Variants in ZNF107 observed in about 807,000 individuals in gnomAD.
ZNF107 encodes the protein C2H2 type zinc-finger protein.
ZNF107 carries 19 observed loss-of-function variants against 12.3 expected under a neutral mutation model. The ratio of observed to expected loss-of-function variants is 1.55; its 90% CI spans 1.08 to 2.27. The LOEUF (loss-of-function observed/expected upper bound fraction) is 2.27, where lower values mean the gene tolerates loss of function less well. Among genes scored for constraint, ZNF107 ranks in the 30% most tolerant of loss-of-function variants. ZNF107 has a pLI of 0.00. For synonymous variants in ZNF107, 317 were observed against 330.5 expected (o/e 0.96, Z 0.44); for missense variants, 958 against 979.9 (o/e 0.98, Z 0.30).
At chr7:64,672,610 G>A (rs1051017160) in intron 1 of ZNF107, among the ~76,000 whole-genome samples, 1 of 152,174 alleles carries the variant, frequency 6.6e-6, no homozygotes, top group Non-Finnish European at 1.5e-5. Flanking sequence ...AAATCTGCAT[G>A]CCTCAGCTTA....
At chr7:64,686,248 T>C (rs186153428) in intron 1 of ZNF107, among the ~76,000 whole-genome samples, 10 of 152,314 alleles carry the variant, frequency 6.6e-5, no homozygotes, top group Admixed American at 6.5e-4. Context: ...TCTTTCAGAC[T>C]TTTAACACCA....
chr7:64,706,078 A>G (rs547989053), intron 3 of ZNF107, among the ~76,000 whole-genome samples: 34 of 150,994 alleles, frequency 2.3e-4, no homozygotes, highest in East Asian at 1.7e-3. Flanking sequence ...TCTTTCTTCT[A>G]TGTGGCTCTT....
At position 64,709,753 on chromosome 7, in the gene ZNF107, T is replaced by G. The variant is rs763532267; in HGVS notation, c.*1097T>G. On this transcript the variant is annotated 3_prime_UTR_variant, in exon 4 of 4. Coordinates refer to ENST00000620827, the MANE Select transcript of ZNF107 (RefSeq NM_001282359.2). ...TATCTGCTCAGATTTTACTCAACAT[T>G]AGAGAGTTAGTACGTAATAAAAGCA... is the stretch of plus-strand genomic sequence containing the variant. The G allele has an allele frequency of 3.7e-5, 17 of 455,246 alleles. No homozygotes were observed. The highest frequency in any genetic ancestry group is 2.6e-4 in the South Asian group (17 of 64,280). 28.2% of individuals were successfully genotyped at this position (455,246 alleles called of 1,614,324 possible). A position where few individuals can be genotyped will look rare whatever the true frequency, so the allele number is the denominator to read the frequency against.
chr7:64,707,836 T>C lies in ZNF107; in HGVS notation c.1739T>C (p.Leu580Pro). The change falls in exon 4 of 4, where the codon CTT (leucine) becomes CCT (proline). Residue 580 changes from leucine (L) to proline (P), a missense_variant. Transcript: ENST00000620827. ...CGKAFNQSYQ[L>P]TRHKIVHTKE... is the part of the protein sequence containing the mutation. Reference sequence around the variant, plus strand: ...AAAGCCTTTAATCAATCCTATCAACTTACTAGACATAAGATAGTTCATACT... The same window carrying C: ...AAAGCCTTTAATCAATCCTATCAACCTACTAGACATAAGATAGTTCATACT... The C allele has an allele frequency of 6.2e-7, 1 of 1,612,728 alleles. No homozygotes were observed.
At chr7:64,666,417 G>C in intron 1 of ZNF107, 132 bp downstream of exon 1, 3 of 1,257,326 alleles carry the variant, frequency 2.4e-6, no homozygotes, top group Non-Finnish European at 3.3e-6. Context: ...TCGGCCCTCA[G>C]TCCCCCGCGG....
Position 64,706,878 on chromosome 7 carries a change from G to T in ZNF107, c.781G>T (p.Glu261Ter). ...TGAAGAGAAACCCAACAAATGTGAA[G>T]AATGTGGCAAGGCCTTTAAACAGGC... ...HTEEKPNKCE[E>*]CGKAFKQASH... Residue 261 changes from glutamate (E) to a stop codon, truncating the protein, a stop_gained, in exon 4 of 4, where the codon GAA (glutamate) becomes TAA (stop). Coordinates refer to ENST00000620827, the MANE Select transcript of ZNF107 (RefSeq NM_001282359.2). LOFTEE classifies it low-confidence loss of function (END_TRUNC). 2 of 1,613,450 alleles carry T rather than the reference G, an allele frequency of 1.2e-6. No homozygotes were observed. Among genetic ancestry groups the T allele is most frequent in the Non-Finnish European group, 8.5e-7 (1 of 1,179,744 alleles).
rs1233016542 is a variant in ZNF107 at position 64,691,944 on chromosome 7, G to T, written c.210G>T (p.Met70Ile). 1 of 1,520,310 alleles carries T rather than the reference G, an allele frequency of 6.6e-7. No individual in the cohort carries two copies. The highest frequency in any genetic ancestry group is 2.1e-5 in the Admixed American group (1 of 48,656). The allele number at this position is 1,520,310 out of a possible 1,614,324, so 94.2% of individuals were successfully genotyped here. A position where few individuals can be genotyped will look rare whatever the true frequency, so the allele number is the denominator to read the frequency against. The change falls in exon 3 of 4, where the codon ATG (methionine) becomes ATT (isoleucine). Residue 70 changes from methionine (M) to isoleucine (I), a missense_variant. Met to Ile is a conservative substitution (Grantham distance 10). Coordinates refer to ENST00000620827, the MANE Select transcript of ZNF107 (RefSeq NM_001282359.2). ...CCTGGAATATAAAAAGACATGAGAT[G>T]GTAGCCAAACCCCCAGGTAGGTGAG... is the stretch of plus-strand genomic sequence containing the variant. The part of the protein sequence containing the change: ...KEPWNIKRHE[M>I]VAKPPVMSFH...
chr7:64,680,213 C>G (rs1301038787), intron 1 of ZNF107, among the ~76,000 whole-genome samples: 1 of 152,132 alleles, frequency 6.6e-6, no homozygotes, highest in Admixed American at 6.5e-5. Flanking sequence ...AGTCCGAGTT[C>G]ATGTTTCTTT....
chr7:64,695,707 A>C (rs1790265849), intron 3 of ZNF107, among the ~76,000 whole-genome samples: 1 of 152,050 alleles, frequency 6.6e-6, no homozygotes, highest in Non-Finnish European at 1.5e-5. Flanking sequence ...ATTCTTTCTT[A>C]GCTGATTTTA....
chr7:64,687,667 T>G, intron 1 of ZNF107: 1 of 641,454 alleles, frequency 1.6e-6, no homozygotes, highest in Non-Finnish European at 1.9e-6. Flanking sequence ...AATTACCAGG[T>G]GAATTTATGA....
chr7:64,692,757 GTAT>G (rs1361320433), intron 3 of ZNF107, among the ~76,000 whole-genome samples: 2 of 151,676 alleles, frequency 1.3e-5, no homozygotes, highest in Non-Finnish European at 2.9e-5. Context: ...TATCTTAATG[GTAT>G]TATAAATAGG....
chr7:64,677,493 C>G (rs1388680886), intron 1 of ZNF107, among the ~76,000 whole-genome samples: 1 of 148,316 alleles, frequency 6.7e-6, no homozygotes, highest in Admixed American at 6.7e-5. Flanking sequence ...TTTATAACAC[C>G]TTTCTCTCTT....
chr7:64,669,162 T>G (rs1789127602), intron 1 of ZNF107: 1 of 151,810 alleles, frequency 6.6e-6, no homozygotes, highest in African/African-American at 2.4e-5. Context: ...ATTACAGGCA[T>G]GCACCACCAT....
In ZNF107 at chr7:64,707,151, A is replaced by G. The variant is rs746960341; in HGVS notation, c.1054A>G (p.Ile352Val). 2.9e-5 allele frequency: 47 copies of G among 1,612,664 alleles called. No homozygotes were observed. Among genetic ancestry groups the G allele is most frequent in the East Asian group, 4.5e-5 (2 of 44,774 alleles). ...TAAAGAATGTGGCAGAGCTTTTAAC[A>G]TATCCTCAAACCTTAATAAACAGGA... ...KCKECGRAFNISSNLNKQEKI... is the reference protein window; with the variant it reads ...KCKECGRAFNVSSNLNKQEKI... Residue 352 changes from isoleucine (I) to valine (V), a missense_variant, in exon 4 of 4, where the codon ATA becomes GTA. By Grantham distance (29) the Ile-to-Val change is conservative. Coordinates refer to ENST00000620827, the MANE Select transcript of ZNF107 (RefSeq NM_001282359.2).
At chr7:64,692,346 G>C (rs931958912) in intron 3 of ZNF107, among the ~76,000 whole-genome samples, 5 of 152,126 alleles carry the variant, frequency 3.3e-5, no homozygotes, top group African/African-American at 1.2e-4. Context: ...TGTGTGAGTA[G>C]TGGTTTCTGT....
In ZNF107 at chr7:64,687,428, G is replaced by A. The variant is rs1049911342; in HGVS notation, c.4-3820G>A. 8.1e-6 allele frequency: 8 copies of A among 985,510 alleles called. No homozygotes were observed. The Admixed American group carries it at 4.3e-4, about 53-fold the overall frequency. The allele number at this position is 985,510 out of a possible 1,614,324, so 61.0% of individuals were successfully genotyped here. The stretch of plus-strand genomic sequence containing the variant: ...CTTCATTCTCTGATGTGGCATTGAA[G>A]TGCTGCTGTGGCAGTTGGGGTTATA... On this transcript the variant is annotated intron_variant, in intron 1 of 3. Coordinates refer to ENST00000620827, the MANE Select transcript of ZNF107 (RefSeq NM_001282359.2).
At chr7:64,694,664 G>A (rs1446301944) in intron 3 of ZNF107, among the ~76,000 whole-genome samples, 5 of 151,922 alleles carry the variant, frequency 3.3e-5, no homozygotes, top group Non-Finnish European at 7.4e-5. Context: ...ATGATGCCTG[G>A]CTCTCTCATA....
At chr7:64,693,367 T>C (rs953841328) in intron 3 of ZNF107, among the ~76,000 whole-genome samples, 2 of 151,248 alleles carry the variant, frequency 1.3e-5, no homozygotes, top group East Asian at 1.9e-4. Context: ...TTCAGTGCTA[T>C]GATAAAAGCA....
intron 1 of ZNF107, among the ~76,000 whole-genome samples, chr7:64,678,343 A>G (rs73361889): frequency 0.047 from 7,141 of 152,288 alleles, 452 homozygotes; most frequent in African/African-American, 0.14. Flanking sequence ...TAATTATCTA[A>G]TATTTGCAGG....
Sources: gnomAD v4.1 joint callset for allele counts (sites outside exome capture counted in the v4.1 genomes callset) on GRCh38, gnomAD v4.1.1 for gene constraint, MANE v1.5 for transcripts, NCBI Gene and HGNC (gene_info 2026-07-23, HGNC 2026-07-21) for gene names.